The following HSPG2 variants were observed in gnomAD, a reference collection of about 807,000 sequenced individuals.
HSPG2 encodes the protein basement membrane-specific heparan sulfate proteoglycan core protein.
Under a neutral mutation model 526.6 loss-of-function variants are expected in HSPG2, and 278 were observed. The ratio of observed to expected loss-of-function variants is 0.53; its 90% CI spans 0.48 to 0.58. HSPG2 has a LOEUF of 0.58. Ranked by LOEUF, HSPG2 falls within the 20% of genes least tolerant of loss-of-function variation. The probability of loss-of-function intolerance (pLI) is 0.00; values close to 1 mark genes in which losing one functional copy is unlikely to be tolerated. For missense variants in HSPG2, 5,354 were observed against 6,099.5 expected, an observed-to-expected ratio of 0.88 and a Z score of 4.07; for synonymous variants, 2,465 against 2,555.4, an observed-to-expected ratio of 0.96 and a Z score of 1.07.
rs1021698423 is a variant in HSPG2 at position 21,872,346 on chromosome 1, T to C, written c.4061A>G (p.Gln1354Arg). The change falls in exon 33 of 97, where the codon CAA becomes CGA. Residue 1354 changes from glutamine to arginine, a missense_variant. Coordinates refer to ENST00000374695, the MANE Select transcript of HSPG2 (RefSeq NM_005529.7). This position sits in a 1 kb window ranked among gnomAD's most constrained non-coding sequence, Gnocchi z 5.5. ...CTGTGGGTTCACCAGGGCAAAGCCT[T>C]GGAAGTCCCCAGGGGCAAAGTGGGT... ...ISTHFAPGDF[Q>R]GFALVNPQRN... 3.9e-5 allele frequency: 62 copies of C among 1,580,908 alleles called. No homozygotes were observed. Among genetic ancestry groups the C allele is most frequent in the Non-Finnish European group, 4.9e-5 (57 of 1,162,796 alleles).
chr1:21,933,016 C>T (rs1381365946), intron 1 of HSPG2, among the ~76,000 whole-genome samples: 2 of 152,000 alleles, frequency 1.3e-5, no homozygotes, highest in Admixed American at 6.6e-5. Flanking sequence ...CCCAGGAGTT[C>T]GAGACCTGCC....
At chr1:21,850,010 C>G (rs1557712374) in intron 57 of HSPG2, 31 bp downstream of exon 57, 3 of 1,611,714 alleles carry the variant, frequency 1.9e-6, no homozygotes, top group Non-Finnish European at 2.5e-6. Context: ...GCTACAGGGT[C>G]CTTCAGGCTT....
chr1:21,890,724 AG>A lies in HSPG2; in HGVS notation c.245-31del, dbSNP rs763591203. On this transcript the variant is annotated intron_variant, in intron 3 of 96. Transcript: ENST00000374695. This position sits in a 1 kb window ranked among gnomAD's most constrained non-coding sequence, Gnocchi z 4.1. ...AAAATCGAAGGAGGATCATTTTGAGAGCCCCAGCCTGGCATCTAGTGGCCTT... is the reference window on the plus strand; with the variant it reads ...AAAATCGAAGGAGGATCATTTTGAGACCCCAGCCTGGCATCTAGTGGCCTT... The A allele has an allele frequency of 6.5e-7, 1 of 1,546,150 alleles. No homozygotes were observed. Among genetic ancestry groups the A allele is most frequent in the Non-Finnish European group, 8.9e-7 (1 of 1,121,370 alleles).
chr1:21,877,952 T>C lies in HSPG2; in HGVS notation c.2685+234A>G, dbSNP rs537552024. On this transcript the variant is annotated intron_variant, in intron 21 of 96. Coordinates refer to ENST00000374695, the MANE Select transcript of HSPG2 (RefSeq NM_005529.7). ...GTACAATGCAGATACAAAGGCTGCA[T>C]AAAGAATGACTGGGACTTGAACTGT... Among the ~76,000 whole-genome samples, 7 of 152,326 alleles carry C rather than the reference T, an allele frequency of 4.6e-5. No individual in the cohort carries two copies. In the East Asian group the frequency reaches 9.6e-4, roughly 21 times the overall value.
chr1:21,926,738 G>A (rs1423599042), intron 1 of HSPG2, among the ~76,000 whole-genome samples: 2 of 141,768 alleles, frequency 1.4e-5, no homozygotes, highest in Non-Finnish European at 3.0e-5. Context: ...CTTCAGGCTG[G>A]GAGACAGAGT....
intron 1 of HSPG2, among the ~76,000 whole-genome samples, chr1:21,928,494 G>A (rs566832139): frequency 1.3e-5 from 2 of 152,360 alleles, no homozygotes; most frequent in South Asian, 4.1e-4. Context: ...AGGCTTGAGT[G>A]CAATGGCATG....
At chr1:21,838,588 G>A (rs1351120693) in intron 74 of HSPG2, among the ~76,000 whole-genome samples, 1 of 152,222 alleles carries the variant, frequency 6.6e-6, no homozygotes, top group Non-Finnish European at 1.5e-5. Flanking sequence ...TCCTTTGGCA[G>A]TGCCAGGGCT....
chr1:21,834,955 A>G lies in HSPG2; in HGVS notation c.10454-10T>C. 6.2e-7 allele frequency: 1 copy of G among 1,609,744 alleles called. No homozygotes were observed. Among genetic ancestry groups the G allele is most frequent in the South Asian group, 1.1e-5 (1 of 91,078 alleles). ...AGCACCGAGGGCAGGGCTGGGGAGGAGGGAGGCAGAGGTCCAGTGAGATCA... is the reference window on the plus strand; with the variant it reads ...AGCACCGAGGGCAGGGCTGGGGAGGGGGGAGGCAGAGGTCCAGTGAGATCA... On this transcript the variant is annotated splice_polypyrimidine_tract_variant and intron_variant, in intron 76 of 96. Transcript: ENST00000374695.
At chr1:21,889,532 C>CTCGGGTCT (rs1642194629) in intron 6 of HSPG2, among the ~76,000 whole-genome samples, 67 of 152,238 alleles carry the variant, frequency 4.4e-4, no homozygotes, top group African/African-American at 1.6e-3. Flanking sequence ...TGATTCTGGA[C>CTCGGGTCT]AAATTTAGAT....
At position 21,881,375 on chromosome 1, in the gene HSPG2, G is replaced by A. The variant is rs750597162; in HGVS notation, c.1782C>T (p.Ser594=). The change falls in exon 14 of 97, where the codon TCC becomes TCT. Residue 594 remains serine, a synonymous_variant. Coordinates refer to ENST00000374695, the MANE Select transcript of HSPG2 (RefSeq NM_005529.7). ...DLSRRFLVHD[S]FWALPEQFLG... ...GGAACTGTTCAGGCAGAGCCCAGAA[G>A]GAGTCGTGGACGAGGAAGCGGCGGG... 1.4e-5 allele frequency: 22 copies of A among 1,614,080 alleles called. No individual in the cohort carries two copies. Among genetic ancestry groups the A allele is most frequent in the Admixed American group, 3.3e-5 (2 of 60,012 alleles).
chr1:21,828,025 G>A lies in HSPG2; in HGVS notation c.12532+5C>T. ...ATGAAGTGGAGAGAAGCCAGGCCTGGGTACCTTGTTGGCAGCGTGGGCCAG... is the reference window on the plus strand; with the variant it reads ...ATGAAGTGGAGAGAAGCCAGGCCTGAGTACCTTGTTGGCAGCGTGGGCCAG... On this transcript the variant is annotated splice_donor_5th_base_variant and intron_variant, in intron 90 of 96. Transcript: ENST00000374695. This position sits in a 1 kb window ranked among gnomAD's most constrained non-coding sequence, Gnocchi z 6.0. 1 of 1,613,652 alleles carries A rather than the reference G, an allele frequency of 6.2e-7. No individual in the cohort carries two copies. The highest frequency in any genetic ancestry group is 1.7e-5 in the Admixed American group (1 of 60,014).
intron 50 of HSPG2, chr1:21,853,922 G>A: frequency 2.0e-6 from 1 of 507,882 alleles, no homozygotes; most frequent in Non-Finnish European, 3.6e-6. Flanking sequence ...ATTTGAACCA[G>A]GTCAGCCGAC....
intron 37 of HSPG2, 79 bp from the exon 38 acceptor site, chr1:21,862,194 C>G (rs1054517061): frequency 6.6e-7 from 1 of 1,516,034 alleles, no homozygotes; most frequent in Non-Finnish European, 9.0e-7. Context: ...ATCCCTTGAT[C>G]TAGAAATTCC....
chr1:21,928,961 T>C (rs1194907155), intron 1 of HSPG2, among the ~76,000 whole-genome samples: 1 of 151,832 alleles, frequency 6.6e-6, no homozygotes, highest in Admixed American at 6.6e-5. Flanking sequence ...GGTTTCTCCA[T>C]GGTGGTCAGG....
chr1:21,900,381 G>T (rs534758072), intron 1 of HSPG2, among the ~76,000 whole-genome samples: 1 of 152,176 alleles, frequency 6.6e-6, no homozygotes, highest in South Asian at 2.1e-4. Flanking sequence ...CTTGAACACT[G>T]GCAGGACTGT....
intron 1 of HSPG2, among the ~76,000 whole-genome samples, chr1:21,922,225 TCA>T (rs1644059610): frequency 1.3e-5 from 2 of 152,142 alleles, no homozygotes; most frequent in Admixed American, 6.5e-5. Flanking sequence ...CAGAGGAGGC[TCA>T]GAGAGGCGAA....
At position 21,823,128 on chromosome 1, in the gene HSPG2, C is replaced by G. The variant is rs1557660557; in HGVS notation, c.*188G>C. The G allele has an allele frequency of 7.3e-6, 4 of 551,442 alleles. No homozygotes were observed. The highest frequency in any genetic ancestry group is 1.2e-5 in the Non-Finnish European group (4 of 333,492). The allele number at this position is 551,442 out of a possible 1,614,324, so 34.2% of individuals were successfully genotyped here. On this transcript the variant is annotated 3_prime_UTR_variant, in exon 97 of 97. Coordinates refer to ENST00000374695, the MANE Select transcript of HSPG2 (RefSeq NM_005529.7). The stretch of plus-strand genomic sequence containing the variant: ...CCATCCAACCTGCCTTGCTGGCCAG[C>G]CTTGTGGCTTTGCCCAGCTGTGTGT...
chr1:21,927,565 C>A (rs1260401366), intron 1 of HSPG2, among the ~76,000 whole-genome samples: 1 of 152,122 alleles, frequency 6.6e-6, no homozygotes, highest in Non-Finnish European at 1.5e-5. Flanking sequence ...TCAGGATGCA[C>A]GAACATCCTT....
chr1:21,824,843 C>T lies in HSPG2; in HGVS notation c.12590-64G>A, dbSNP rs964614121. On this transcript the variant is annotated intron_variant, in intron 91 of 96. Coordinates refer to ENST00000374695, the MANE Select transcript of HSPG2 (RefSeq NM_005529.7). This position sits in a 1 kb window ranked among gnomAD's most constrained non-coding sequence, Gnocchi z 5.9. The stretch of plus-strand genomic sequence containing the variant: ...CAGGCATCAAAATCCCCCGTCAGTT[C>T]CCCTGACCCCCACCTCCACGCCAAC... 4.9e-6 allele frequency: 7 copies of T among 1,424,910 alleles called. No homozygotes were observed. Among genetic ancestry groups the T allele is most frequent in the Middle Eastern group, 1.8e-4 (1 of 5,480 alleles). The allele number at this position is 1,424,910 out of a possible 1,614,324, so 88.3% of individuals were successfully genotyped here.
Sources: gnomAD v4.1 joint callset for allele counts (sites outside exome capture counted in the v4.1 genomes callset) on GRCh38, gnomAD v4.1.1 for gene constraint, Gnocchi (gnomAD v3.1) non-coding constraint, MANE v1.5 for transcripts, NCBI Gene and HGNC (gene_info 2026-07-23, HGNC 2026-07-21) for gene names.